DRC11: variants seen among roughly 807,000 people sequenced by gnomAD.
The protein encoded by DRC11 is dynein regulatory complex subunit 11.
At chr2:236,439,329 TTA>T in the DRC11 span, among the ~76,000 whole-genome samples, 4 of 152,300 alleles carry the variant, frequency 2.6e-5, no homozygotes, top group South Asian at 8.3e-4. Flanking sequence ...TAGCAGACTA[TTA>T]TAGTTTTTTA....
chr2:236,489,875 T>C, the DRC11 span, among the ~76,000 whole-genome samples: 6 of 152,330 alleles, frequency 3.9e-5, no homozygotes, highest in Admixed American at 3.3e-4. Context: ...CAATAAGCTA[T>C]GATCATGCCA....
the DRC11 span, chr2:236,408,319 G>A: frequency 1.3e-6 from 1 of 778,052 alleles, no homozygotes; most frequent in South Asian, 1.3e-5. This position sits in a 1 kb window ranked among gnomAD's most constrained non-coding sequence, Gnocchi z 5.5. Context: ...CCCAATCCAG[G>A]CCACCTTGCG....
the DRC11 span, chr2:236,333,388 A>G: frequency 6.6e-6 from 1 of 151,882 alleles, no homozygotes; most frequent in Non-Finnish European, 1.5e-5. The surrounding 1 kb of genome is among the most constrained non-coding windows in gnomAD (Gnocchi z 6.0). Context: ...AACCCATGGT[A>G]AAAATGATCA....
the DRC11 span, among the ~76,000 whole-genome samples, chr2:236,354,834 G>A: frequency 2.0e-5 from 3 of 152,148 alleles, no homozygotes; most frequent in African/African-American, 7.2e-5. Context: ...GGTGCTCCCT[G>A]TCGTCACTGG....
At chr2:236,369,842 G>C in the DRC11 span, among the ~76,000 whole-genome samples, 1 of 152,178 alleles carries the variant, frequency 6.6e-6, no homozygotes, top group Non-Finnish European at 1.5e-5. This position sits in a 1 kb window ranked among gnomAD's most constrained non-coding sequence, Gnocchi z 4.5. Flanking sequence ...ACAGACATCA[G>C]ATCTTCCACA....
At chr2:236,455,303 C>T in the DRC11 span, among the ~76,000 whole-genome samples, 1 of 152,218 alleles carries the variant, frequency 6.6e-6, no homozygotes. The surrounding 1 kb of genome is among the most constrained non-coding windows in gnomAD (Gnocchi z 5.7). Context: ...GAGCCATGAG[C>T]CCTGAGAAAG....
At chr2:236,404,968 G>A in the DRC11 span, among the ~76,000 whole-genome samples, 4 of 152,168 alleles carry the variant, frequency 2.6e-5, no homozygotes, top group Non-Finnish European at 5.9e-5. Flanking sequence ...GGGCAAAGCA[G>A]CTCTCTGGGG....
chr2:236,357,386 GAT>G, the DRC11 span, among the ~76,000 whole-genome samples: 1 of 113,174 alleles, frequency 8.8e-6, no homozygotes, highest in African/African-American at 4.2e-5. Flanking sequence ...ATATAGTATA[GAT>G]ATTATATAGT....
chr2:236,441,350 T>C, the DRC11 span, among the ~76,000 whole-genome samples: 1 of 152,066 alleles, frequency 6.6e-6, no homozygotes. Context: ...CAAACATCTC[T>C]CTTTAAAACA....
the DRC11 span, among the ~76,000 whole-genome samples, chr2:236,378,589 C>T: frequency 6.6e-6 from 1 of 151,544 alleles, no homozygotes; most frequent in Non-Finnish European, 1.5e-5. Context: ...GCAGGAGAAT[C>T]GCTTGAACAC....
chr2:236,423,271 A>G, the DRC11 span, among the ~76,000 whole-genome samples: 71 of 152,110 alleles, frequency 4.7e-4, no homozygotes, highest in African/African-American at 1.7e-3. Context: ...GGCAACCTAC[A>G]GAATGGGAGA....
the DRC11 span, among the ~76,000 whole-genome samples, chr2:236,490,483 C>T: frequency 1.3e-5 from 2 of 152,172 alleles, no homozygotes; most frequent in African/African-American, 4.8e-5. This position sits in a 1 kb window ranked among gnomAD's most constrained non-coding sequence, Gnocchi z 5.5. Flanking sequence ...GCAGTGAGCA[C>T]ACATTTTCAA....
chr2:236,331,264 G>T, the DRC11 span: 1 of 906,796 alleles, frequency 1.1e-6, no homozygotes, highest in Non-Finnish European at 1.8e-6. The surrounding 1 kb of genome is among the most constrained non-coding windows in gnomAD (Gnocchi z 4.8). Context: ...GTATATGGCC[G>T]AGTTCCAATT....
At chr2:236,423,345 A>G in the DRC11 span, among the ~76,000 whole-genome samples, 596 of 152,298 alleles carry the variant, frequency 3.9e-3, 5 homozygotes, top group African/African-American at 0.014. Flanking sequence ...GAACTCAAAC[A>G]AATTTACAAG....
At chr2:236,501,142 T>C in the DRC11 span, among the ~76,000 whole-genome samples, 4 of 152,162 alleles carry the variant, frequency 2.6e-5, no homozygotes, top group Non-Finnish European at 4.4e-5. Context: ...GCATCTCACA[T>C]GGCGGGAGCA....
the DRC11 span, among the ~76,000 whole-genome samples, chr2:236,444,481 C>T: frequency 2.6e-5 from 4 of 152,184 alleles, no homozygotes; most frequent in African/African-American, 9.6e-5. Flanking sequence ...CTGAACAGAT[C>T]TTGAAGGCCC....
chr2:236,457,870 C>T, the DRC11 span, among the ~76,000 whole-genome samples: 1 of 152,188 alleles, frequency 6.6e-6, no homozygotes, highest in African/African-American at 2.4e-5. This position sits in a 1 kb window ranked among gnomAD's most constrained non-coding sequence, Gnocchi z 4.7. Flanking sequence ...GACCTGTGAA[C>T]TGGGAGAAAA....
the DRC11 span, chr2:236,399,449 GAA>G: frequency 1.9e-6 from 3 of 1,614,034 alleles, no homozygotes; most frequent in African/African-American, 4.0e-5. The surrounding 1 kb of genome is among the most constrained non-coding windows in gnomAD (Gnocchi z 7.0). Flanking sequence ...ATTGCAGGAA[GAA>G]AAAGACTTGG....
At chr2:236,357,079 A>AT in the DRC11 span, among the ~76,000 whole-genome samples, 2 of 123,148 alleles carry the variant, frequency 1.6e-5, no homozygotes, top group African/African-American at 6.1e-5. Flanking sequence ...TATATTATAT[A>AT]TCTATATATT....
Sources: gnomAD v4.1 joint callset for allele counts (sites outside exome capture counted in the v4.1 genomes callset) on GRCh38, gnomAD v4.1.1 for gene constraint, Gnocchi (gnomAD v3.1) non-coding constraint, MANE v1.5 for transcripts, NCBI Gene and HGNC (gene_info 2026-07-23, HGNC 2026-07-21) for gene names.